NCAM1: variants seen among roughly 807,000 people sequenced by gnomAD.
NCAM1 encodes the protein neural cell adhesion molecule 1.
NCAM1 carries 14 observed loss-of-function variants against 109.8 expected under a neutral mutation model. That is an observed-to-expected ratio of 0.13 (90% CI 0.08 to 0.20). The LOEUF is 0.20. NCAM1 is among the 10% of genes least tolerant of loss of function. The pLI is 1.00. For synonymous variants in NCAM1, 418 were observed against 442.9 expected, an observed-to-expected ratio of 0.94 and a Z score of 0.70; for missense variants, 774 against 1,109.9, an observed-to-expected ratio of 0.70 and a Z score of 4.30.
At chr11:113,216,952 C>T (rs1944549321) in intron 8 of NCAM1, among the ~76,000 whole-genome samples, 2 of 152,148 alleles carry the variant, frequency 1.3e-5, no homozygotes, top group Admixed American at 6.5e-5. Context: ...CTCCTCCATC[C>T]GAAGTTGCTT....
At chr11:113,120,105 C>A (rs528986378) in intron 1 of NCAM1, among the ~76,000 whole-genome samples, 1 of 152,182 alleles carries the variant, frequency 6.6e-6, no homozygotes, top group South Asian at 2.1e-4. Flanking sequence ...AATTAGCCAG[C>A]CTTGACTGTG....
At chr11:113,052,882 A>G (rs10750023) in intron 1 of NCAM1, among the ~76,000 whole-genome samples, 144,186 of 152,108 alleles carry the variant, frequency 0.95, 68,488 homozygotes, top group Middle Eastern at 0.98. Context: ...CCCGGTGTGT[A>G]TTGCTCCCCT....
At chr11:113,084,704 T>G (rs1406914432) in intron 1 of NCAM1, among the ~76,000 whole-genome samples, 1 of 152,156 alleles carries the variant, frequency 6.6e-6, no homozygotes, top group Non-Finnish European at 1.5e-5. Flanking sequence ...CATGGTTACT[T>G]TGGTGATTTT....
intron 18 of NCAM1, chr11:113,270,611 C>T (rs1253693831): frequency 1.7e-6 from 1 of 574,108 alleles, no homozygotes; most frequent in Non-Finnish European, 3.1e-6. Context: ...AGCCCAATCC[C>T]AGATCTCTTG....
intron 1 of NCAM1, among the ~76,000 whole-genome samples, chr11:113,124,640 C>G (rs1941105074): frequency 6.6e-6 from 1 of 152,158 alleles, no homozygotes. Flanking sequence ...CTGATGATAA[C>G]TATTTATTTT....
At position 113,027,214 on chromosome 11, in the gene NCAM1, T is replaced by C. The variant is rs147652101; in HGVS notation, c.52+65550T>C. Among the ~76,000 whole-genome samples, 103 of 152,366 alleles carry C rather than the reference T, an allele frequency of 6.8e-4. 1 individual carries two copies. Among genetic ancestry groups the C allele is most frequent in the African/African-American group, 2.4e-3 (100 of 41,602 alleles). On this transcript the variant is annotated intron_variant, in intron 1 of 19. Transcript: ENST00000316851. ...AAAATAAATAAATAAAACAAAAGCC[T>C]AGGAATTATGTTTATGTGTTTTCCA...
At chr11:113,120,351 T>C (rs1409192280) in intron 1 of NCAM1, among the ~76,000 whole-genome samples, 1 of 152,218 alleles carries the variant, frequency 6.6e-6, no homozygotes, top group Non-Finnish European at 1.5e-5. Context: ...ATCCTTATCT[T>C]TTTTAGCACT....
intron 1 of NCAM1, among the ~76,000 whole-genome samples, chr11:112,999,558 C>A (rs1951690049): frequency 6.6e-6 from 1 of 151,822 alleles, no homozygotes; most frequent in Admixed American, 6.6e-5. Flanking sequence ...TCATGTTTTG[C>A]AGAGATTTTT....
At chr11:113,230,025 A>G (rs993572372) in intron 9 of NCAM1, among the ~76,000 whole-genome samples, 3 of 152,148 alleles carry the variant, frequency 2.0e-5, no homozygotes, top group Admixed American at 2.0e-4. Flanking sequence ...TGGCACATGT[A>G]TACGTATGTA....
intron 1 of NCAM1, among the ~76,000 whole-genome samples, chr11:113,076,588 A>G (rs1205928659): frequency 6.6e-6 from 1 of 152,188 alleles, no homozygotes; most frequent in Non-Finnish European, 1.5e-5. Flanking sequence ...CTTGTATTCT[A>G]TTTCTCAGCA....
intron 1 of NCAM1, among the ~76,000 whole-genome samples, chr11:112,994,879 T>G (rs1555071153): frequency 1.3e-5 from 2 of 152,116 alleles, no homozygotes; most frequent in Non-Finnish European, 1.5e-5. Flanking sequence ...ATTCTCTGCT[T>G]GTGTGCTTGT....
intron 1 of NCAM1, among the ~76,000 whole-genome samples, chr11:113,044,121 C>T (rs1953179468): frequency 1.3e-5 from 2 of 151,964 alleles, no homozygotes; most frequent in Non-Finnish European, 1.5e-5. Context: ...ATCGTTTCTC[C>T]CCAGGCAAGG....
At chr11:113,087,496 A>T (rs1386506358) in intron 1 of NCAM1, among the ~76,000 whole-genome samples, 1 of 152,208 alleles carries the variant, frequency 6.6e-6, no homozygotes. Context: ...GTTGCTACAG[A>T]TCTTCAGCAG....
At chr11:113,152,367 G>A (rs1335966496) in intron 1 of NCAM1, among the ~76,000 whole-genome samples, 4 of 152,230 alleles carry the variant, frequency 2.6e-5, no homozygotes, top group South Asian at 2.1e-4. Context: ...CTTTTAACAA[G>A]TGGCAACTAC....
At chr11:113,172,666 G>A (rs1280909447) in intron 1 of NCAM1, among the ~76,000 whole-genome samples, 1 of 152,202 alleles carries the variant, frequency 6.6e-6, no homozygotes, top group African/African-American at 2.4e-5. Flanking sequence ...ATTATGTGGA[G>A]TTTAAATTGT....
chr11:113,011,020 G>A (rs1358926531), intron 1 of NCAM1, among the ~76,000 whole-genome samples: 2 of 151,134 alleles, frequency 1.3e-5, no homozygotes, highest in African/African-American at 4.9e-5. Flanking sequence ...GTGCAGGTTA[G>A]TTACATATGT....
intron 1 of NCAM1, among the ~76,000 whole-genome samples, chr11:113,102,138 A>C (rs893372857): frequency 1.3e-5 from 2 of 152,238 alleles, no homozygotes; most frequent in Non-Finnish European, 2.9e-5. Context: ...TGTCGAGAAT[A>C]ATCATTACAT....
chr11:112,991,262 A>G (rs1555070532), intron 1 of NCAM1, among the ~76,000 whole-genome samples: 2 of 152,190 alleles, frequency 1.3e-5, no homozygotes, highest in Non-Finnish European at 2.9e-5. Context: ...CAAAATTCAC[A>G]CTTAGGTCCT....
rs140046571 is a variant in NCAM1 at position 113,198,087 on chromosome 11, G to A, written c.53-4292G>A. Among the ~76,000 whole-genome samples the A allele has an allele frequency of 3.8e-3, 575 of 152,238 alleles. 3 individuals are homozygous for A. Among genetic ancestry groups the A allele is most frequent in the Non-Finnish European group, 5.9e-3 (400 of 68,016 alleles). ...TTTCAAAATCTATCAGTCTCCCATG[G>A]GGCTATTTTACTCAACTGAGGTGGG... On this transcript the variant is annotated intron_variant, in intron 1 of 19. Transcript: ENST00000316851.
Sources: allele counts gnomAD v4.1 joint callset (sites outside exome capture counted in the v4.1 genomes callset), GRCh38; gene constraint gnomAD v4.1.1; transcripts MANE v1.5; gene names NCBI Gene and HGNC (gene_info 2026-07-23, HGNC 2026-07-21).